PLXND1: variants seen among roughly 807,000 people sequenced by gnomAD.
PLXND1 encodes plexin-D1.
Under a neutral mutation model 197.7 loss-of-function variants are expected in PLXND1, and 54 were observed. The ratio of observed to expected loss-of-function variants is 0.27; its 90% CI spans 0.22 to 0.34. The LOEUF (loss-of-function observed/expected upper bound fraction) is 0.34, where lower values mean the gene tolerates loss of function less well. Among genes scored for constraint, PLXND1 ranks in the 10% least tolerant of loss-of-function variants. The probability of loss-of-function intolerance (pLI) is 1.00; values close to 1 mark genes in which losing one functional copy is unlikely to be tolerated. For synonymous variants in PLXND1, 1,180 were observed against 1,161.2 expected (o/e 1.02, Z -0.33); for missense variants, 2,127 against 2,699.2 (o/e 0.79, Z 4.70).
chr3:129,563,059 G>A (rs1383464034), intron 26 of PLXND1, 35 bp downstream of exon 26: 1 of 1,612,216 alleles, frequency 6.2e-7, no homozygotes, highest in Non-Finnish European at 8.5e-7. Context: ...CGGCGACACA[G>A]CAGCCCTGGG....
Position 129,558,843 on chromosome 3 carries a change from C to T in PLXND1, c.5298-268G>A. ...CCCCTCCTGAGCCTCCAGTCAGGTC[C>T]TGGTTCTCATTAGAACCAGGTGCCG... On this transcript the variant is annotated intron_variant, in intron 32 of 35. Coordinates refer to ENST00000324093, the MANE Select transcript of PLXND1 (RefSeq NM_015103.3). This position sits in a 1 kb window ranked among gnomAD's most constrained non-coding sequence, Gnocchi z 4.1. The T allele has an allele frequency of 2.4e-6, 1 of 420,134 alleles. No individual in the cohort carries two copies. The highest frequency in any genetic ancestry group is 4.4e-6 in the Non-Finnish European group (1 of 229,802). 26.0% of individuals were successfully genotyped at this position (420,134 alleles called of 1,614,324 possible).
intron 23 of PLXND1, 165 bp from the exon 24 acceptor site, chr3:129,566,182 T>C (rs1162669395): frequency 7.2e-6 from 5 of 691,914 alleles, no homozygotes; most frequent in Non-Finnish European, 1.2e-5. Context: ...AATAGCTTGG[T>C]TGAATTGAAA....
chr3:129,601,462 G>A (rs1192476567), intron 1 of PLXND1, among the ~76,000 whole-genome samples: 1 of 152,122 alleles, frequency 6.6e-6, no homozygotes, highest in African/African-American at 2.4e-5. Flanking sequence ...TTCTTCGTGA[G>A]ACCCTCAAGC....
rs2085454305 is a variant in PLXND1, at chr3:129,586,024, G to C, written c.1779C>G (p.Ala593=). ...NSSQQHFWTS[A]SEGPSRCPAM... ...CAGGACAGCGGCTGGGGCCCTCGCT[G>C]GCACTGGTCCAGAAATGCTGCTGGC... The change falls in exon 5 of 36, where the codon GCC becomes GCG. Residue 593 remains alanine, a synonymous_variant. Coordinates refer to ENST00000324093, the MANE Select transcript of PLXND1 (RefSeq NM_015103.3). 2.5e-6 allele frequency: 4 copies of C among 1,614,000 alleles called. No homozygotes were observed. In the South Asian group the frequency reaches 4.4e-5, roughly 18 times the overall value.
intron 10 of PLXND1, 84 bp from the exon 11 acceptor site, chr3:129,575,646 G>A: frequency 7.9e-7 from 1 of 1,257,880 alleles, no homozygotes; most frequent in Non-Finnish European, 1.1e-6. Flanking sequence ...GGCAGATGAA[G>A]TTGGGGCTGC....
chr3:129,603,021 C>T (rs1033381064), intron 1 of PLXND1, among the ~76,000 whole-genome samples: 4 of 152,194 alleles, frequency 2.6e-5, no homozygotes, highest in Non-Finnish European at 4.4e-5. Flanking sequence ...TAGCTGGCAA[C>T]AGCCTGGAGC....
At position 129,557,033 on chromosome 3, in the gene PLXND1, CG is replaced by C; in HGVS notation, c.5586+49del. 1 of 1,601,156 alleles carries C rather than the reference CG, an allele frequency of 6.2e-7. No individual in the cohort carries two copies. Among genetic ancestry groups the C allele is most frequent in the Non-Finnish European group, 8.5e-7 (1 of 1,174,410 alleles). On this transcript the variant is annotated intron_variant, in intron 34 of 35. Transcript: ENST00000324093. The surrounding 1 kb of genome is among the most constrained non-coding windows in gnomAD (Gnocchi z 4.8). ...GCATTGAGGCCCAGCCCCCGACCCC[CG>C]ATCCCTCAGCTCTTCAGGCCCCCAT...
At chr3:129,589,633 T>G in intron 1 of PLXND1, 106 bp from the exon 2 acceptor site, 1 of 981,514 alleles carries the variant, frequency 1.0e-6, no homozygotes, top group South Asian at 1.6e-5. Flanking sequence ...CTTTCAAGTC[T>G]TGTTCCTACT....
chr3:129,578,698 T>A (rs1266219560), intron 8 of PLXND1: 3 of 476,258 alleles, frequency 6.3e-6, no homozygotes, highest in Non-Finnish European at 7.5e-6. Context: ...GTGGGGCCAA[T>A]TTCCTCCATG....
Position 129,573,615 on chromosome 3 carries a change from T to C in PLXND1, c.2816A>G (p.Asp939Gly). 6.2e-7 allele frequency: 1 copy of C among 1,613,436 alleles called. No homozygotes were observed. The highest frequency in any genetic ancestry group is 2.2e-5 in the East Asian group (1 of 44,858). The stretch of plus-strand genomic sequence containing the variant: ...TCACTCCTCCGACACCGTGTATCTG[T>C]CAGGCAGTGGCTCACAGGCCACACC... ...IGGVACEPLP[D>G]RYTVSEEIVC... Residue 939 changes from aspartate (D) to glycine (G), a missense_variant, in exon 13 of 36, where the codon GAC becomes GGC. By Grantham distance (94) the Asp-to-Gly change is moderately conservative. Coordinates refer to ENST00000324093, the MANE Select transcript of PLXND1 (RefSeq NM_015103.3).
chr3:129,599,064 C>T (rs768298580), intron 1 of PLXND1, among the ~76,000 whole-genome samples: 7 of 152,310 alleles, frequency 4.6e-5, no homozygotes, highest in East Asian at 1.9e-4. Context: ...ACTCCAGGGT[C>T]GGAGAACGGA....
intron 1 of PLXND1, among the ~76,000 whole-genome samples, chr3:129,590,517 C>G (rs947750328): frequency 6.6e-6 from 1 of 152,170 alleles, no homozygotes; most frequent in Non-Finnish European, 1.5e-5. Flanking sequence ...GGACTGAGTG[C>G]GTCCATCATG....
rs963148037 is a variant in PLXND1 at position 129,606,630 on chromosome 3, G to A, written c.10C>T (p.Arg4Cys). 12 of 1,113,036 alleles carry A rather than the reference G, an allele frequency of 1.1e-5. No homozygotes were observed. The highest frequency in any genetic ancestry group is 1.0e-4 in the African/African-American group (6 of 59,642). The allele number at this position is 1,113,036 out of a possible 1,614,324, so 68.9% of individuals were successfully genotyped here. MAP[R>C]AAGGAPLSAR... Reference sequence around the variant, plus strand: ...CTAAGGGGTGCGCCGCCCGCGGCGCGAGGAGCCATCCGGGCGTGCGCGGGC... The same window carrying A: ...CTAAGGGGTGCGCCGCCCGCGGCGCAAGGAGCCATCCGGGCGTGCGCGGGC... The change falls in exon 1 of 36, where the codon CGC becomes TGC. Residue 4 changes from arginine (R) to cysteine (C), a missense_variant. This residue lies in a region of PLXND1 where 245 missense variants were observed against 267.1 expected (regional missense o/e 0.92). Transcript: ENST00000324093.
intron 1 of PLXND1, among the ~76,000 whole-genome samples, chr3:129,597,959 G>A (rs998144161): frequency 6.6e-6 from 1 of 152,166 alleles, no homozygotes; most frequent in African/African-American, 2.4e-5. Context: ...GGGGGCTCCG[G>A]GTGAGCGCCT....
intron 34 of PLXND1, 157 bp downstream of exon 34, chr3:129,556,926 G>T: frequency 1.2e-6 from 1 of 825,198 alleles, no homozygotes; most frequent in Non-Finnish European, 1.9e-6. Flanking sequence ...CTGGGAAAAT[G>T]CATGACGAAT....
chr3:129,558,439 G>A lies in PLXND1; in HGVS notation c.5434C>T (p.Gln1812Ter). 6.2e-7 allele frequency: 1 copy of A among 1,613,560 alleles called. No individual in the cohort carries two copies. Among genetic ancestry groups the A allele is most frequent in the Non-Finnish European group, 8.5e-7 (1 of 1,179,906 alleles). ...TGGGAACAGCTGACCTTGCCCAGCT[G>A]CAGGTCAGAGATGGAGCAGGCGTCG... is the stretch of plus-strand genomic sequence containing the variant. The part of the protein sequence containing the change: ...FIDACSISDL[Q>*]LGKDSPTNKL... Residue 1812 changes from glutamine to a stop codon, truncating the protein, a stop_gained, in exon 33 of 36, where the codon CAG becomes TAG. Transcript: ENST00000324093. LOFTEE classifies it high-confidence loss of function. The surrounding 1 kb of genome is among the most constrained non-coding windows in gnomAD (Gnocchi z 4.1).
At chr3:129,589,320 A>ACCCCCCCCCCCCCCCCCCCACCCCCCC in intron 2 of PLXND1, 31 bp downstream of exon 2, 1 of 343,182 alleles carries the variant, frequency 2.9e-6, no homozygotes, top group Non-Finnish European at 5.5e-6. Flanking sequence ...TCCCACCCCC[A>ACCCCCCCCCCCCCCCCCCCACCCCCCC]CCCCCTCCCC....
At chr3:129,596,402 G>C (rs1416605474) in intron 1 of PLXND1, among the ~76,000 whole-genome samples, 1 of 152,172 alleles carries the variant, frequency 6.6e-6, no homozygotes, top group African/African-American at 2.4e-5. Flanking sequence ...GCAGCCCCTA[G>C]ACACCCAGCT....
chr3:129,573,013 C>T (rs1248262776), intron 13 of PLXND1, 72 bp from the exon 14 acceptor site: 14 of 1,033,600 alleles, frequency 1.4e-5, no homozygotes, highest in Admixed American at 3.8e-5. Flanking sequence ...GCTCAGGGAT[C>T]GCCCCATTCC....
Sources: gnomAD v4.1 joint callset for allele counts (sites outside exome capture counted in the v4.1 genomes callset) on GRCh38, gnomAD v4.1.1 for gene constraint, gnomAD v4.1.1 regional missense constraint, Gnocchi (gnomAD v3.1) non-coding constraint, MANE v1.5 for transcripts, NCBI Gene and HGNC (gene_info 2026-07-23, HGNC 2026-07-21) for gene names.